PPP1R13B: variants seen among roughly 807,000 people sequenced by gnomAD.
PPP1R13B encodes protein phosphatase 1 regulatory subunit 13B.
Under a neutral mutation model 119.8 loss-of-function variants are expected in PPP1R13B, and 44 were observed. The observed-to-expected ratio is 0.37, with a 90% CI of 0.29 to 0.47. PPP1R13B has a LOEUF of 0.47. PPP1R13B is among the 20% of genes least tolerant of loss of function. The probability of loss-of-function intolerance (pLI) is 0.99; values close to 1 mark genes in which losing one functional copy is unlikely to be tolerated. For synonymous variants in PPP1R13B, 542 were observed against 561.5 expected, an observed-to-expected ratio of 0.97 and a Z score of 0.49; for missense variants, 1,227 against 1,413.5, an observed-to-expected ratio of 0.87 and a Z score of 2.12.
At chr14:103,780,431 G>A (rs2085309382) in intron 3 of PPP1R13B, among the ~76,000 whole-genome samples, 1 of 134,974 alleles carries the variant, frequency 7.4e-6, no homozygotes, top group African/African-American at 2.8e-5. Flanking sequence ...AGGTTGCAGT[G>A]AGCCAAGATC....
chr14:103,766,577 T>C (rs562562844), intron 4 of PPP1R13B, among the ~76,000 whole-genome samples: 1 of 152,302 alleles, frequency 6.6e-6, no homozygotes, highest in African/African-American at 2.4e-5. Flanking sequence ...CATGAAGACA[T>C]CTTAATAATC....
intron 1 of PPP1R13B, among the ~76,000 whole-genome samples, chr14:103,806,273 G>T (rs2086015996): frequency 6.6e-6 from 1 of 152,130 alleles, no homozygotes; most frequent in Non-Finnish European, 1.5e-5. Context: ...TGGCTCTCAG[G>T]CTTTTCTGGC....
rs187230980 is a variant in PPP1R13B at position 103,763,194 on chromosome 14, A to G, written c.355-5443T>C. The G allele has an allele frequency of 1.1e-3, 627 of 589,460 alleles. 2 individuals are homozygous for G. The highest frequency in any genetic ancestry group is 0.01 in the African/African-American group (555 of 53,280). 36.5% of individuals were successfully genotyped at this position (589,460 alleles called of 1,614,324 possible). A position where few individuals can be genotyped will look rare whatever the true frequency, so the allele number is the denominator to read the frequency against. On this transcript the variant is annotated intron_variant, in intron 4 of 16. Coordinates refer to ENST00000202556, the MANE Select transcript of PPP1R13B (RefSeq NM_015316.3). ...GGATTTCAGAAACAATAAAATGTGG[A>G]ATGTGTCCATGAAATAGGGTTGAAA... is the stretch of plus-strand genomic sequence containing the variant.
rs765742514 is a variant in PPP1R13B, at chr14:103,784,918, G to C, written c.158-4C>G. On this transcript the variant is annotated splice_polypyrimidine_tract_variant and splice_region_variant and intron_variant, in intron 2 of 16. Transcript: ENST00000202556. The stretch of plus-strand genomic sequence containing the variant: ...TGATCAAAGGGTATGGGACGTTCTA[G>C]GAAAAAGACCACATCTTTTTTACTC... 5.8e-6 allele frequency: 9 copies of C among 1,553,002 alleles called. No homozygotes were observed. The highest frequency in any genetic ancestry group is 7.9e-6 in the Non-Finnish European group (9 of 1,139,056).
chr14:103,783,883 C>T (rs1454901134), intron 3 of PPP1R13B, among the ~76,000 whole-genome samples: 2 of 152,252 alleles, frequency 1.3e-5, no homozygotes, highest in East Asian at 3.9e-4. Flanking sequence ...TCAGTCTTGT[C>T]TTTTATGTTT....
chr14:103,790,979 T>C lies in PPP1R13B; in HGVS notation c.158-6065A>G, dbSNP rs570935931. On this transcript the variant is annotated intron_variant, in intron 2 of 16. Coordinates refer to ENST00000202556, the MANE Select transcript of PPP1R13B (RefSeq NM_015316.3). ...GATGTCAAGACAAGAGATAAAACTT[T>C]GTGAGCTACACAATCTAAGCACAGA... Among the ~76,000 whole-genome samples, 27 of 152,328 alleles carry C rather than the reference T, an allele frequency of 1.8e-4. No homozygotes were observed. In the East Asian group the frequency reaches 2.3e-3, roughly 13 times the overall value.
intron 1 of PPP1R13B, among the ~76,000 whole-genome samples, chr14:103,814,075 C>T (rs2086221054): frequency 6.6e-6 from 1 of 152,142 alleles, no homozygotes; most frequent in South Asian, 2.1e-4. Flanking sequence ...CCCAGATGGG[C>T]GTGGTGGCTC....
intron 4 of PPP1R13B, among the ~76,000 whole-genome samples, chr14:103,766,547 G>A (rs1366482885): frequency 6.6e-6 from 1 of 152,004 alleles, no homozygotes; most frequent in Non-Finnish European, 1.5e-5. Flanking sequence ...ATGTCAAAGG[G>A]TAAACACGCT....
intron 1 of PPP1R13B, among the ~76,000 whole-genome samples, chr14:103,829,440 C>T (rs982835965): frequency 2.0e-5 from 3 of 152,076 alleles, no homozygotes; most frequent in Non-Finnish European, 4.4e-5. Context: ...TTTTTTAATA[C>T]AGACAAGGTC....
chr14:103,756,176 C>T (rs535835671), intron 5 of PPP1R13B, among the ~76,000 whole-genome samples: 1 of 151,982 alleles, frequency 6.6e-6, no homozygotes, highest in African/African-American at 2.4e-5. Context: ...CTCACTGCAA[C>T]CTCCACCGCC....
rs145256753 is a variant in PPP1R13B, at chr14:103,766,710, C to T, written c.355-8959G>A. On this transcript the variant is annotated intron_variant, in intron 4 of 16. Transcript: ENST00000202556. ...GCAACTTCCGCCTCCTGGGTTCAAG[C>T]GATTCTCCTGCCTCAGCCTCCCAAG... Among the ~76,000 whole-genome samples, 993 of 152,236 alleles carry T rather than the reference C, an allele frequency of 6.5e-3. 6 individuals are homozygous for T. The highest frequency in any genetic ancestry group is 0.014 in the Middle Eastern group (4 of 294).
chr14:103,753,855 CCCACCTCAG>C (rs2084609743), intron 6 of PPP1R13B, among the ~76,000 whole-genome samples: 1 of 152,108 alleles, frequency 6.6e-6, no homozygotes, highest in African/African-American at 2.4e-5. Context: ...AAGCAATCCT[CCCACCTCAG>C]CCTCTCAAGT....
At chr14:103,844,536 C>T (rs919440483) in intron 1 of PPP1R13B, among the ~76,000 whole-genome samples, 19 of 152,104 alleles carry the variant, frequency 1.2e-4, no homozygotes, top group African/African-American at 4.6e-4. Flanking sequence ...TCAAGGTCAG[C>T]CTGCCCAACA....
intron 2 of PPP1R13B, among the ~76,000 whole-genome samples, chr14:103,791,792 C>T (rs1736793021): frequency 6.6e-6 from 1 of 152,070 alleles, no homozygotes; most frequent in South Asian, 2.1e-4. Context: ...TTGAAAGTAG[C>T]ATTTTTTTAT....
At chr14:103,748,320 G>C (rs1001449645) in intron 8 of PPP1R13B, among the ~76,000 whole-genome samples, 1 of 152,056 alleles carries the variant, frequency 6.6e-6, no homozygotes, top group Non-Finnish European at 1.5e-5. Context: ...TCACTGTGTT[G>C]TTTTTTTAAA....
chr14:103,744,357 C>T (rs2084337080), intron 9 of PPP1R13B, among the ~76,000 whole-genome samples: 1 of 152,156 alleles, frequency 6.6e-6, no homozygotes, highest in Non-Finnish European at 1.5e-5. Context: ...AAAAAACCCT[C>T]CAAAACAAAA....
At chr14:103,739,553 C>A (rs957274098) in intron 12 of PPP1R13B, among the ~76,000 whole-genome samples, 1 of 152,214 alleles carries the variant, frequency 6.6e-6, no homozygotes, top group African/African-American at 2.4e-5. Flanking sequence ...AGCGACAGCT[C>A]CCCTTCCTCA....
In PPP1R13B at chr14:103,740,652, C is replaced by T; in HGVS notation, c.1823-59G>A. ...CTCACTACAGAGATCTAGTCATACA[C>T]ACCTATGATTACACCAGAGACAGGC... On this transcript the variant is annotated intron_variant, in intron 11 of 16. Transcript: ENST00000202556. The surrounding 1 kb of genome is among the most constrained non-coding windows in gnomAD (Gnocchi z 4.6). The T allele has an allele frequency of 7.3e-7, 1 of 1,374,914 alleles. No individual in the cohort carries two copies. Among genetic ancestry groups the T allele is most frequent in the South Asian group, 1.7e-5 (1 of 59,032 alleles). 85.2% of individuals were successfully genotyped at this position (1,374,914 alleles called of 1,614,324 possible).
chr14:103,794,520 G>A (rs2085710289), intron 2 of PPP1R13B: 1 of 316,934 alleles, frequency 3.2e-6, no homozygotes, highest in Non-Finnish European at 6.3e-6. Context: ...TAGAGACAGG[G>A]TTTCACCATG....
Sources: gnomAD v4.1 joint callset for allele counts (sites outside exome capture counted in the v4.1 genomes callset) on GRCh38, gnomAD v4.1.1 for gene constraint, Gnocchi (gnomAD v3.1) non-coding constraint, MANE v1.5 for transcripts, NCBI Gene and HGNC (gene_info 2026-07-23, HGNC 2026-07-21) for gene names.